EHMT1: variants seen among roughly 807,000 people sequenced by gnomAD.
EHMT1 encodes the protein histone-lysine N-methyltransferase EHMT1.
In EHMT1, 15 loss-of-function variants were observed where a neutral mutation model predicts 147.2. The ratio of observed to expected loss-of-function variants is 0.10; its 90% CI spans 0.07 to 0.16. The LOEUF is 0.16. EHMT1 is among the 10% of genes least tolerant of loss of function. EHMT1 has a pLI of 1.00. For missense variants in EHMT1, 1,587 were observed against 1,772.4 expected (o/e 0.90, Z 1.88); for synonymous variants, 795 against 709.6 (o/e 1.12, Z -1.91).
intron 10 of EHMT1, chr9:137,763,487 C>T (rs1015740769): frequency 6.4e-6 from 1 of 156,964 alleles, no homozygotes; most frequent in African/African-American, 2.4e-5. Context: ...GCTCAGGTGT[C>T]TGGCTGCCCC....
At chr9:137,695,064 A>C (rs116067830) in intron 1 of EHMT1, among the ~76,000 whole-genome samples, 2,369 of 152,294 alleles carry the variant, frequency 0.016, 50 homozygotes, top group African/African-American at 0.042. Context: ...AAGACTCTAA[A>C]CAGACAGGTT....
intron 1 of EHMT1, among the ~76,000 whole-genome samples, chr9:137,654,070 A>G (rs990689983): frequency 1.3e-5 from 2 of 152,100 alleles, no homozygotes; most frequent in African/African-American, 4.8e-5. Context: ...AATAGTCTTC[A>G]TGGCTTCATT....
intron 25 of EHMT1, among the ~76,000 whole-genome samples, chr9:137,820,784 ATCAGTCTGCTGAC>A (rs1474205972): frequency 6.6e-6 from 1 of 152,204 alleles, no homozygotes; most frequent in Non-Finnish European, 1.5e-5. Context: ...CGTCCTATCA[ATCAGTCTGCTGAC>A]TGTTCTTGGC....
intron 4 of EHMT1, 127 bp from the exon 5 acceptor site, chr9:137,743,244 G>T: frequency 8.0e-7 from 1 of 1,251,998 alleles, no homozygotes; most frequent in South Asian, 1.4e-5. Flanking sequence ...CAGTGGGCCT[G>T]TTGTGATGGG....
Position 137,775,021 on chromosome 9 carries a change from T to C in EHMT1, c.1648-88T>C. 6 of 1,587,122 alleles carry C rather than the reference T, an allele frequency of 3.8e-6. No individual in the cohort carries two copies. Among genetic ancestry groups the C allele is most frequent in the East Asian group, 2.2e-5 (1 of 44,732 alleles). ...CAGCCCACACCTGCTGAGCAGCTCT[T>C]GTGTGCCTGCACTGCCCAGCGCCTG... On this transcript the variant is annotated intron_variant, in intron 10 of 26. Transcript: ENST00000460843. This position sits in a 1 kb window ranked among gnomAD's most constrained non-coding sequence, Gnocchi z 6.1.
intron 1 of EHMT1, among the ~76,000 whole-genome samples, chr9:137,662,800 AT>A (rs1289481073): frequency 1.1e-5 from 1 of 93,036 alleles, no homozygotes; most frequent in Non-Finnish European, 2.1e-5. Context: ...TTATTTATTT[AT>A]TTATTTATTT....
At chr9:137,657,610 C>CA (rs1938603881) in intron 1 of EHMT1, among the ~76,000 whole-genome samples, 1 of 151,118 alleles carries the variant, frequency 6.6e-6, no homozygotes. Context: ...CAGTGCATAA[C>CA]AATCACACCA....
chr9:137,745,653 C>T (rs977153395), intron 6 of EHMT1: 11 of 397,726 alleles, frequency 2.8e-5, no homozygotes, highest in African/African-American at 2.3e-4. Flanking sequence ...GCGGTCTCTG[C>T]ACACACGTGT....
chr9:137,639,148 T>C (rs1042553544), intron 1 of EHMT1, among the ~76,000 whole-genome samples: 4 of 152,178 alleles, frequency 2.6e-5, no homozygotes, highest in Admixed American at 2.6e-4. Flanking sequence ...CTGGATTTCT[T>C]TGTTTTGTTG....
In EHMT1 at chr9:137,791,844, G is replaced by A. The variant is rs567658200; in HGVS notation, c.2505+874G>A. On this transcript the variant is annotated intron_variant, in intron 16 of 26. Transcript: ENST00000460843. The stretch of plus-strand genomic sequence containing the variant: ...CCTCCCAGGTTCAAGCAATTCTCCT[G>A]CCTCAGCCTCCCTAGTAGCTGAGAT... Among the ~76,000 whole-genome samples, 21 of 152,232 alleles carry A rather than the reference G, an allele frequency of 1.4e-4. No individual in the cohort carries two copies. The South Asian group carries it at 4.4e-3, about 32-fold the overall frequency.
intron 9 of EHMT1, among the ~76,000 whole-genome samples, chr9:137,761,751 C>T (rs1949840636): frequency 6.6e-6 from 1 of 152,210 alleles, no homozygotes; most frequent in South Asian, 2.1e-4. Context: ...GCCACCGCGC[C>T]CAGCCAAGAG....
chr9:137,817,430 A>G lies in EHMT1; in HGVS notation c.3375-9A>G, dbSNP rs73578877. 6 of 1,613,176 alleles carry G rather than the reference A, an allele frequency of 3.7e-6. No individual in the cohort carries two copies. The highest frequency in any genetic ancestry group is 2.2e-5 in the South Asian group (2 of 90,998). The stretch of plus-strand genomic sequence containing the variant: ...TGGCCTGGGTTCACCACTACTCTCT[A>G]TTTTTCAGGGCAAGGCTGCAGCTCT... On this transcript the variant is annotated splice_polypyrimidine_tract_variant and intron_variant, in intron 23 of 26. Transcript: ENST00000460843.
chr9:137,664,181 A>G (rs529050628), intron 1 of EHMT1, among the ~76,000 whole-genome samples: 6 of 152,142 alleles, frequency 3.9e-5, no homozygotes, highest in African/African-American at 1.4e-4. Context: ...CTGGGACTAC[A>G]GGTGCATGCC....
chr9:137,654,410 A>G (rs1477444292), intron 1 of EHMT1, among the ~76,000 whole-genome samples: 2 of 144,120 alleles, frequency 1.4e-5, no homozygotes, highest in Non-Finnish European at 3.0e-5. Context: ...AAAGAGAAAA[A>G]TTAATTGACC....
chr9:137,688,035 T>G (rs1338907117), intron 1 of EHMT1, among the ~76,000 whole-genome samples: 1 of 152,116 alleles, frequency 6.6e-6, no homozygotes. Context: ...TGGTTTGGAA[T>G]TTTTTTTAGA....
At chr9:137,758,292 G>A (rs1431497547) in intron 9 of EHMT1, among the ~76,000 whole-genome samples, 1 of 152,250 alleles carries the variant, frequency 6.6e-6, no homozygotes, top group Non-Finnish European at 1.5e-5. Context: ...GGCGTGCTCC[G>A]TGGAGGATTG....
At chr9:137,712,485 G>C (rs1012081894) in intron 2 of EHMT1, among the ~76,000 whole-genome samples, 1 of 152,160 alleles carries the variant, frequency 6.6e-6, no homozygotes, top group Admixed American at 6.5e-5. Context: ...TGTCCTGGCG[G>C]GTGGGAAGTG....
In EHMT1 at chr9:137,813,670, G is replaced by T. The variant is rs942184331; in HGVS notation, c.3180+140G>T. 2.2e-5 allele frequency: 27 copies of T among 1,246,870 alleles called. 1 individual carries two copies. The South Asian group carries it at 3.2e-4, about 15-fold the overall frequency. 77.2% of individuals were successfully genotyped at this position (1,246,870 alleles called of 1,614,324 possible). A position where few individuals can be genotyped will look rare whatever the true frequency, so the allele number is the denominator to read the frequency against. Reference sequence around the variant, plus strand: ...TTCCCAGGAAGACCTCATTCTCTTTGTAGTTGCCTCCCGTGAAAGAGCTGG... The same window carrying T: ...TTCCCAGGAAGACCTCATTCTCTTTTTAGTTGCCTCCCGTGAAAGAGCTGG... On this transcript the variant is annotated intron_variant, in intron 21 of 26. Coordinates refer to ENST00000460843, the MANE Select transcript of EHMT1 (RefSeq NM_024757.5). The surrounding 1 kb of genome is among the most constrained non-coding windows in gnomAD (Gnocchi z 4.9).
chr9:137,706,823 A>G (rs1944308109), intron 1 of EHMT1, among the ~76,000 whole-genome samples: 2 of 150,334 alleles, frequency 1.3e-5, no homozygotes, highest in South Asian at 4.2e-4. Flanking sequence ...TCTTTTATAC[A>G]TATATATATA....
Sources: allele counts gnomAD v4.1 joint callset (sites outside exome capture counted in the v4.1 genomes callset), GRCh38; gene constraint gnomAD v4.1.1; non-coding constraint Gnocchi (gnomAD v3.1); transcripts MANE v1.5; gene names NCBI Gene and HGNC (gene_info 2026-07-23, HGNC 2026-07-21).